Variants in CRYBG3 observed in about 807,000 individuals in gnomAD.
CRYBG3 encodes the protein very large A-kinase anchor protein.
In CRYBG3, 127 loss-of-function variants were observed where a neutral mutation model predicts 244.2. The ratio of observed to expected loss-of-function variants is 0.52; its 90% confidence interval spans 0.45 to 0.60. The LOEUF is 0.60. Among genes scored for constraint, CRYBG3 ranks in the 20% least tolerant of loss-of-function variants. The pLI, the probability that CRYBG3 is intolerant of heterozygous loss-of-function variation, is 0.00. For missense variants in CRYBG3, 3,325 were observed against 3,442.5 expected (o/e 0.97, Z 0.85); for synonymous variants, 1,132 against 1,195.8 (o/e 0.95, Z 1.10).
At chr3:97,886,827 G>A in intron 8 of CRYBG3, 60 bp downstream of exon 8, 2 of 1,387,264 alleles carry the variant, frequency 1.4e-6, no homozygotes, top group Non-Finnish European at 9.7e-7. Flanking sequence ...TATTTCAATA[G>A]ATGACATACA....
chr3:97,908,778 G>A (rs2039810326), intron 15 of CRYBG3, among the ~76,000 whole-genome samples: 1 of 152,114 alleles, frequency 6.6e-6, no homozygotes, highest in Admixed American at 6.5e-5. Context: ...GTGTGAACTT[G>A]ATCCTGTCAT....
intron 18 of CRYBG3, among the ~76,000 whole-genome samples, chr3:97,935,089 A>C (rs2040146912): frequency 6.6e-6 from 1 of 152,086 alleles, no homozygotes; most frequent in Non-Finnish European, 1.5e-5. Flanking sequence ...AGGTTACAGA[A>C]TACTACTTAA....
intron 10 of CRYBG3, among the ~76,000 whole-genome samples, chr3:97,889,837 G>T (rs2108231197): frequency 6.6e-6 from 1 of 152,252 alleles, no homozygotes; most frequent in East Asian, 1.9e-4. Context: ...AGTATCCAAA[G>T]GGAAAAGTAG....
Position 97,822,154 on chromosome 3 carries a change from A to C in CRYBG3, c.-53A>C. 7.2e-7 allele frequency: 1 copy of C among 1,393,028 alleles called. No homozygotes were observed. The highest frequency in any genetic ancestry group is 9.3e-7 in the Non-Finnish European group (1 of 1,073,462). 86.3% of individuals were successfully genotyped at this position (1,393,028 alleles called of 1,614,324 possible). Reference sequence around the variant, plus strand: ...CCCGGTCGGGCTCCGGGCACCAGGCAACACCTAGGCCGTTCCCTTCAGACA... The same window carrying C: ...CCCGGTCGGGCTCCGGGCACCAGGCCACACCTAGGCCGTTCCCTTCAGACA... On this transcript the variant is annotated 5_prime_UTR_variant, in exon 1 of 22. Transcript: ENST00000389622.
rs1280731433 is a variant in CRYBG3, at chr3:97,895,996, C to T, written c.7612C>T (p.Gln2538Ter). The T allele has an allele frequency of 2.5e-6, 4 of 1,613,190 alleles. No homozygotes were observed. The South Asian group carries it at 3.3e-5, about 13-fold the overall frequency. The change falls in exon 12 of 22, where the codon CAG becomes TAG. Residue 2538 changes from glutamine (Q) to a stop codon, truncating the protein, a stop_gained. Coordinates refer to ENST00000389622, the MANE Select transcript of CRYBG3 (RefSeq NM_153605.4). LOFTEE classifies it high-confidence loss of function. ...AYEKEHFKGQ[Q>*]FLLEEGDFED... ...TGAAAAAGAACATTTTAAAGGCCAG[C>T]AGTTTCTGCTTGAAGAAGGAGACTT...
chr3:97,904,913 A>G (rs912121131), intron 15 of CRYBG3, among the ~76,000 whole-genome samples: 1 of 106,344 alleles, frequency 9.4e-6, no homozygotes, highest in African/African-American at 3.8e-5. Flanking sequence ...GACAGTCCCC[A>G]GAGTGTGATA....
At chr3:97,861,210 C>T (rs2039142333) in intron 2 of CRYBG3, among the ~76,000 whole-genome samples, 1 of 152,138 alleles carries the variant, frequency 6.6e-6, no homozygotes, top group South Asian at 2.1e-4. Flanking sequence ...TTTCAAACTT[C>T]TGTGTCTTTG....
chr3:97,879,620 G>A (rs2039422349), intron 4 of CRYBG3, 84 bp from the exon 5 acceptor site: 2 of 903,002 alleles, frequency 2.2e-6, no homozygotes, highest in Non-Finnish European at 3.4e-6. Flanking sequence ...GTGATAAATT[G>A]GATACAAGAC....
rs867956811 is a variant in CRYBG3, at chr3:97,873,890, C to T, written c.2696C>T (p.Ser899Leu). The change falls in exon 4 of 22, where the codon TCA (serine) becomes TTA (leucine). Residue 899 changes from serine to leucine, a missense_variant. Coordinates refer to ENST00000389622, the MANE Select transcript of CRYBG3 (RefSeq NM_153605.4). ...INHNEIGEKC[S>L]DAGLKENCQA... is the part of the protein sequence containing the mutation. ...CATAATGAGATAGGAGAGAAATGTT[C>T]AGATGCTGGCCTTAAAGAGAATTGC... 128 of 1,535,954 alleles carry T rather than the reference C, an allele frequency of 8.3e-5. No individual in the cohort carries two copies. The African/African-American group carries it at 1.5e-3, about 18-fold the overall frequency.
intron 7 of CRYBG3, among the ~76,000 whole-genome samples, chr3:97,886,064 C>G (rs1379066220): frequency 6.6e-6 from 1 of 152,118 alleles, no homozygotes; most frequent in Admixed American, 6.6e-5. Flanking sequence ...TTTCATAATG[C>G]TTTTCTTCTT....
At chr3:97,901,905 T>C (rs1481845935) in intron 15 of CRYBG3, among the ~76,000 whole-genome samples, 1 of 152,190 alleles carries the variant, frequency 6.6e-6, no homozygotes, top group Non-Finnish European at 1.5e-5. Flanking sequence ...GGCTAAGTTA[T>C]TGCCTTGTGA....
chr3:97,894,300 T>C (rs2039615154), intron 11 of CRYBG3, among the ~76,000 whole-genome samples: 1 of 152,202 alleles, frequency 6.6e-6, no homozygotes, highest in South Asian at 2.1e-4. Context: ...AATAGCTATT[T>C]TGTAAAAATC....
At chr3:97,907,788 G>C (rs1440820205) in intron 15 of CRYBG3, among the ~76,000 whole-genome samples, 1 of 151,540 alleles carries the variant, frequency 6.6e-6, no homozygotes, top group South Asian at 2.1e-4. Context: ...CCTTCTGCTA[G>C]CTTTTGAATG....
At chr3:97,923,783 T>C (rs2040010341) in intron 17 of CRYBG3, among the ~76,000 whole-genome samples, 1 of 152,034 alleles carries the variant, frequency 6.6e-6, no homozygotes, top group Admixed American at 6.6e-5. Flanking sequence ...TTCCTAGGAA[T>C]TTTATAAAAA....
chr3:97,895,358 C>T (rs1484988033), intron 11 of CRYBG3, among the ~76,000 whole-genome samples: 1 of 152,136 alleles, frequency 6.6e-6, no homozygotes, highest in South Asian at 2.1e-4. Context: ...GTAGTGGGAC[C>T]AACATTTCCC....
intron 15 of CRYBG3, among the ~76,000 whole-genome samples, chr3:97,909,969 C>T (rs1291551883): frequency 1.3e-5 from 2 of 150,630 alleles, no homozygotes; most frequent in African/African-American, 2.5e-5. Context: ...TTCTAACAGA[C>T]AGGACCCTCA....
chr3:97,888,145 G>A (rs950712386), intron 8 of CRYBG3, among the ~76,000 whole-genome samples, 196 bp from the exon 9 acceptor site: 5 of 152,114 alleles, frequency 3.3e-5, no homozygotes, highest in African/African-American at 1.2e-4. Flanking sequence ...CTTATTATAG[G>A]ATGGATAATG....
intron 15 of CRYBG3, among the ~76,000 whole-genome samples, chr3:97,902,041 G>C (rs1282146431): frequency 1.3e-5 from 2 of 152,140 alleles, no homozygotes; most frequent in South Asian, 2.1e-4. Flanking sequence ...CATTCTTCTT[G>C]TTTATGCTTA....
chr3:97,845,166 G>C (rs564235243), intron 2 of CRYBG3, among the ~76,000 whole-genome samples: 1 of 152,206 alleles, frequency 6.6e-6, no homozygotes, highest in South Asian at 2.1e-4. Flanking sequence ...TGTGATAAGA[G>C]AAAAAATATG....
Sources: gnomAD v4.1 joint callset for allele counts (sites outside exome capture counted in the v4.1 genomes callset) on GRCh38, gnomAD v4.1.1 for gene constraint, MANE v1.5 for transcripts, NCBI Gene and HGNC (gene_info 2026-07-23, HGNC 2026-07-21) for gene names.